The following SUCLA2 variants were observed in gnomAD, a reference collection of about 807,000 sequenced individuals.
SUCLA2 encodes succinate--CoA ligase [ADP-forming] subunit beta, mitochondrial.
In SUCLA2, 30 loss-of-function variants were observed where a neutral mutation model predicts 54.8. The ratio of observed to expected loss-of-function variants is 0.55; its 90% confidence interval spans 0.41 to 0.74. The LOEUF (loss-of-function observed/expected upper bound fraction) is 0.74. Ranked by LOEUF, SUCLA2 falls within the 30% of genes least tolerant of loss-of-function variation. The pLI is 0.00. For missense variants in SUCLA2, 476 were observed against 562.9 expected, an observed-to-expected ratio of 0.85 and a Z score of 1.56; for synonymous variants, 172 against 188.9, an observed-to-expected ratio of 0.91 and a Z score of 0.74.
chr13:48,001,067 A>G (rs1027504217), intron 1 of SUCLA2, 113 bp downstream of exon 1: 35 of 1,525,160 alleles, frequency 2.3e-5, no homozygotes, highest in Non-Finnish European at 2.8e-5. Context: ...CTTGCAGGGC[A>G]CCCAGAAAAT....
At chr13:47,951,419 CAT>C (rs1949774893) in intron 8 of SUCLA2, among the ~76,000 whole-genome samples, 1 of 150,348 alleles carries the variant, frequency 6.7e-6, no homozygotes, top group African/African-American at 2.5e-5. Context: ...GAGCCTGGGA[CAT>C]ATGGCTAAGC....
intron 1 of SUCLA2, among the ~76,000 whole-genome samples, chr13:48,000,666 G>GTATA (rs1950222842): frequency 6.6e-6 from 1 of 152,344 alleles, no homozygotes; most frequent in South Asian, 2.1e-4. Context: ...AAGTAGAACA[G>GTATA]TATACAACTA....
chr13:47,979,403 C>T (rs1950043639), intron 4 of SUCLA2, among the ~76,000 whole-genome samples: 1 of 152,124 alleles, frequency 6.6e-6, no homozygotes, highest in Non-Finnish European at 1.5e-5. Context: ...AAACCAAACA[C>T]CGCATGTTCT....
intron 6 of SUCLA2, among the ~76,000 whole-genome samples, chr13:47,962,137 T>C (rs965260535): frequency 5.9e-5 from 9 of 152,150 alleles, no homozygotes; most frequent in Non-Finnish European, 1.2e-4. Context: ...CTTTTGTTTG[T>C]TTTTTGTTTT....
At chr13:47,975,856 C>A (rs1222068466) in intron 4 of SUCLA2, among the ~76,000 whole-genome samples, 2 of 152,116 alleles carry the variant, frequency 1.3e-5, no homozygotes, top group African/African-American at 2.4e-5. Context: ...GAAAGATTGA[C>A]AATGTGATTA....
At chr13:48,000,827 G>T in intron 1 of SUCLA2, 1 of 1,098,392 alleles carries the variant, frequency 9.1e-7, no homozygotes, top group Non-Finnish European at 1.1e-6. Context: ...AAGGGGCGGC[G>T]CAAGTCTCAG....
Position 47,954,209 on chromosome 13 carries a change from A to C in SUCLA2, c.1038T>G (p.Leu346=), listed in dbSNP as rs745693663. The C allele has an allele frequency of 1.2e-6, 2 of 1,613,928 alleles. No homozygotes were observed. Among genetic ancestry groups the C allele is most frequent in the South Asian group, 2.2e-5 (2 of 91,080 alleles). ...KLHGGTPANF[L]DVGGGATVHQ... ...GGACTGTAGCACCACCACCAACATC[A>C]AGGAAGTTGGCTGGAGTCCCTCCAT... The change falls in exon 8 of 11, where the codon CTT becomes CTG. Residue 346 remains leucine (L), a synonymous_variant. Coordinates refer to ENST00000646932, the MANE Select transcript of SUCLA2 (RefSeq NM_003850.3).
intron 6 of SUCLA2, among the ~76,000 whole-genome samples, chr13:47,957,469 G>A (rs547180656): frequency 1.3e-5 from 2 of 152,274 alleles, no homozygotes; most frequent in Admixed American, 6.5e-5. Flanking sequence ...CCCAGTTTTG[G>A]CTGAAGGTGA....
intron 6 of SUCLA2, among the ~76,000 whole-genome samples, chr13:47,960,099 C>T (rs1443498283): frequency 6.6e-6 from 1 of 152,000 alleles, no homozygotes; most frequent in African/African-American, 2.4e-5. Context: ...AACACTGTAG[C>T]CTCCAGGGTA....
At chr13:47,964,205 A>C (rs1042901305) in intron 6 of SUCLA2, among the ~76,000 whole-genome samples, 1 of 152,184 alleles carries the variant, frequency 6.6e-6, no homozygotes, top group African/African-American at 2.4e-5. Context: ...GGTCAACCTT[A>C]AAAGGTTATA....
At position 48,000,947 on chromosome 13, in the gene SUCLA2, G is replaced by A. The variant is rs1054659074; in HGVS notation, c.90+233C>T. 2.9e-6 allele frequency: 4 copies of A among 1,399,918 alleles called. No homozygotes were observed. In the South Asian group the frequency reaches 4.6e-5, roughly 16 times the overall value. 86.7% of individuals were successfully genotyped at this position (1,399,918 alleles called of 1,614,324 possible). On this transcript the variant is annotated intron_variant, in intron 1 of 10. Transcript: ENST00000646932. The stretch of plus-strand genomic sequence containing the variant: ...TCTTAGAAACTGCAGGAGCAGCCAC[G>A]GCCGGGCCGCCGGGGATCCTCGCGG...
intron 1 of SUCLA2, 181 bp downstream of exon 1, chr13:48,000,999 A>C: frequency 6.9e-7 from 1 of 1,451,258 alleles, no homozygotes; most frequent in Non-Finnish European, 9.1e-7. Flanking sequence ...GAGCCGCGCA[A>C]ACATGGGCTC....
At chr13:47,994,246 G>T (rs182608245) in intron 2 of SUCLA2, among the ~76,000 whole-genome samples, 9 of 151,528 alleles carry the variant, frequency 5.9e-5, no homozygotes, top group Non-Finnish European at 1.0e-4. Context: ...TCCCATAATC[G>T]TTATCTTTTG....
intron 1 of SUCLA2, chr13:48,000,913 C>T (rs1168702084): frequency 1.3e-5 from 17 of 1,359,942 alleles, no homozygotes; most frequent in Non-Finnish European, 1.3e-5. Context: ...CCACCTGCTC[C>T]CGCCCATCTC....
chr13:47,989,569 T>A (rs925193712), intron 2 of SUCLA2, among the ~76,000 whole-genome samples: 4 of 152,094 alleles, frequency 2.6e-5, no homozygotes, highest in Non-Finnish European at 5.9e-5. Context: ...AAACTGAAAA[T>A]AATTTAACCA....
chr13:47,945,352 G>A (rs182031623), intron 10 of SUCLA2, among the ~76,000 whole-genome samples: 2 of 138,592 alleles, frequency 1.4e-5, no homozygotes, highest in Admixed American at 8.1e-5. Context: ...AAACCCAGGA[G>A]GCAAAGGTTA....
chr13:48,000,947 G>C (rs1054659074), intron 1 of SUCLA2: 112 of 1,399,794 alleles, frequency 8.0e-5, no homozygotes, highest in Non-Finnish European at 8.9e-5. Context: ...GAGCAGCCAC[G>C]GCCGGGCCGC....
intron 5 of SUCLA2, chr13:47,972,185 G>GCAGTGAGCCTTGAACT (rs1949972125): frequency 3.7e-6 from 1 of 271,384 alleles, no homozygotes; most frequent in East Asian, 6.0e-5. Flanking sequence ...AACTCAGAAG[G>GCAGTGAGCCTTGAACT]CAGAGGTTGG....
intron 6 of SUCLA2, among the ~76,000 whole-genome samples, chr13:47,966,525 T>TAAA (rs372783186): frequency 7.6e-4 from 107 of 141,252 alleles, no homozygotes; most frequent in Admixed American, 1.6e-3. Flanking sequence ...TTGCCGTTTT[T>TAAA]AAAAAAAAAA....
Sources: allele counts gnomAD v4.1 joint callset (sites outside exome capture counted in the v4.1 genomes callset), GRCh38; gene constraint gnomAD v4.1.1; transcripts MANE v1.5; gene names NCBI Gene and HGNC (gene_info 2026-07-23, HGNC 2026-07-21).